ZCCHC14: variants seen among roughly 807,000 people sequenced by gnomAD.
ZCCHC14 encodes zinc finger CCHC domain-containing protein 14.
ZCCHC14 carries 16 observed loss-of-function variants against 85.0 expected under a neutral mutation model. That is an observed-to-expected ratio of 0.19 (90% CI 0.13 to 0.29). The LOEUF is 0.29. Among genes scored for constraint, ZCCHC14 ranks in the 10% least tolerant of loss-of-function variants. The pLI is 1.00. For synonymous variants in ZCCHC14, 775 were observed against 630.7 expected (o/e 1.23, Z -3.43); for missense variants, 1,303 against 1,443.5 (o/e 0.90, Z 1.58).
At chr16:87,464,457 G>C (rs1307050333) in intron 1 of ZCCHC14, among the ~76,000 whole-genome samples, 1 of 152,156 alleles carries the variant, frequency 6.6e-6, no homozygotes, top group Non-Finnish European at 1.5e-5. Flanking sequence ...TCCCGGCAAG[G>C]ACAAAGAGGA....
chr16:87,466,867 G>T (rs1455485083), intron 1 of ZCCHC14, among the ~76,000 whole-genome samples: 1 of 152,192 alleles, frequency 6.6e-6, no homozygotes, highest in African/African-American at 2.4e-5. Context: ...CCCCTACTGG[G>T]ACAGTCACAT....
chr16:87,488,636 G>T (rs528155835), intron 1 of ZCCHC14, among the ~76,000 whole-genome samples: 1 of 152,160 alleles, frequency 6.6e-6, no homozygotes, highest in Non-Finnish European at 1.5e-5. Flanking sequence ...GAATGCAGTG[G>T]CATGATCATA....
Position 87,415,281 on chromosome 16 carries a change from C to T in ZCCHC14, c.1470G>A (p.Leu490=). The T allele has an allele frequency of 6.2e-7, 1 of 1,613,860 alleles. No individual in the cohort carries two copies. Among genetic ancestry groups the T allele is most frequent in the Non-Finnish European group, 8.5e-7 (1 of 1,179,942 alleles). ...AKKKLKTQLE[L]EKEKSERRCL... ...AAAACCCACTTCACACTCACTTTTC[C>T]AGCTCCAGCTGGGTCTTGAGCTTCT... The change falls in exon 9 of 13, where the codon CTG becomes CTA. Residue 490 remains leucine, a synonymous_variant. Transcript: ENST00000671377.
chr16:87,459,233 G>A (rs750260256), intron 2 of ZCCHC14, among the ~76,000 whole-genome samples: 2 of 152,184 alleles, frequency 1.3e-5, no homozygotes, highest in Non-Finnish European at 2.9e-5. Context: ...CCAACTCAGT[G>A]CAGGTGGAAA....
At chr16:87,476,643 G>A (rs1416300445) in intron 1 of ZCCHC14, among the ~76,000 whole-genome samples, 1 of 149,550 alleles carries the variant, frequency 6.7e-6, no homozygotes. Flanking sequence ...GGAATTCCAT[G>A]AATCTGCTTA....
chr16:87,478,355 T>C lies in ZCCHC14; in HGVS notation c.570+13314A>G, dbSNP rs552460096. ...AATGAAGTTTTAGAATAGGCGAAAC[T>C]GATCAGTGGTGGAAAACAATAGAAA... On this transcript the variant is annotated intron_variant, in intron 1 of 12. Coordinates refer to ENST00000671377, the MANE Select transcript of ZCCHC14 (RefSeq NM_015144.3). Among the ~76,000 whole-genome samples, 7 of 152,248 alleles carry C rather than the reference T, an allele frequency of 4.6e-5. No individual in the cohort carries two copies. In the East Asian group the frequency reaches 1.4e-3, roughly 29 times the overall value.
At chr16:87,459,870 T>C in intron 2 of ZCCHC14, 138 bp downstream of exon 2, 2 of 1,361,728 alleles carry the variant, frequency 1.5e-6, no homozygotes, top group Non-Finnish European at 2.0e-6. Flanking sequence ...ATGTATTGCT[T>C]ATAGAATTTA....
intron 3 of ZCCHC14, among the ~76,000 whole-genome samples, chr16:87,425,728 A>C (rs1909337511): frequency 6.6e-6 from 1 of 152,122 alleles, no homozygotes; most frequent in African/African-American, 2.4e-5. Flanking sequence ...ACCACCACCA[A>C]CAGACACAAA....
chr16:87,413,272 A>G, intron 10 of ZCCHC14, 77 bp from the exon 11 acceptor site: 1 of 1,444,720 alleles, frequency 6.9e-7, no homozygotes, highest in South Asian at 1.5e-5. Context: ...CCTGCATCGC[A>G]CTGTCGGCAG....
chr16:87,416,313 G>A (rs974667474), intron 8 of ZCCHC14, among the ~76,000 whole-genome samples: 3 of 152,218 alleles, frequency 2.0e-5, no homozygotes, highest in African/African-American at 7.2e-5. Context: ...ACTCCATTGT[G>A]TAGGCTGGTG....
rs776318111 is a variant in ZCCHC14 at position 87,410,291 on chromosome 16, A to G, written c.3250T>C (p.Ser1084Pro). The change falls in exon 13 of 13, where the codon TCC becomes CCC. Residue 1084 changes from serine to proline, a missense_variant. Ser to Pro is a moderately conservative substitution (Grantham distance 74). Coordinates refer to ENST00000671377, the MANE Select transcript of ZCCHC14 (RefSeq NM_015144.3). ...KYAPPAESLD[S>P]TD ...GCCAGAGAAAAATATCAATCTGTGGAGTCCAGACTTTCTGCTGGAGGGGCG... is the reference window on the plus strand; with the variant it reads ...GCCAGAGAAAAATATCAATCTGTGGGGTCCAGACTTTCTGCTGGAGGGGCG... 8 of 775,730 alleles carry G rather than the reference A, an allele frequency of 1.0e-5. No homozygotes were observed. The highest frequency in any genetic ancestry group is 5.2e-5 in the Admixed American group (3 of 57,760). 48.1% of individuals were successfully genotyped at this position (775,730 alleles called of 1,614,324 possible). A position where few individuals can be genotyped will look rare whatever the true frequency, so the allele number is the denominator to read the frequency against.
intron 1 of ZCCHC14, among the ~76,000 whole-genome samples, chr16:87,469,951 G>A (rs1001843563): frequency 1.3e-5 from 2 of 152,182 alleles, no homozygotes; most frequent in African/African-American, 4.8e-5. Flanking sequence ...TCTAAAACCA[G>A]TGCACTTGCC....
intron 3 of ZCCHC14, among the ~76,000 whole-genome samples, chr16:87,430,944 A>G (rs891667673): frequency 6.7e-6 from 1 of 150,098 alleles, no homozygotes; most frequent in Non-Finnish European, 1.5e-5. Context: ...GTTTGAGACC[A>G]GCCTGAACAA....
At chr16:87,474,408 G>C (rs1400432892) in intron 1 of ZCCHC14, 2 of 152,244 alleles carry the variant, frequency 1.3e-5, no homozygotes, top group Non-Finnish European at 2.9e-5. Context: ...CTCAGGGAGA[G>C]TGAATTCTTC....
At chr16:87,429,842 G>A (rs1432633302) in intron 3 of ZCCHC14, among the ~76,000 whole-genome samples, 1 of 152,190 alleles carries the variant, frequency 6.6e-6, no homozygotes, top group Non-Finnish European at 1.5e-5. Flanking sequence ...CCTGACCTCA[G>A]GTGATCCGTC....
At chr16:87,467,315 G>T in intron 1 of ZCCHC14, 2 of 1,583,476 alleles carry the variant, frequency 1.3e-6, no homozygotes, top group Non-Finnish European at 1.7e-6. Context: ...ATGTAACACT[G>T]CCCCAAGCGA....
In ZCCHC14 at chr16:87,414,507, C is replaced by T. The variant is rs528890958; in HGVS notation, c.1510G>A (p.Ala504Thr). The part of the protein sequence containing the change: ...KSERRCLNPS[A>T]PPLVTSSGVA... ...CCACTGCTGGTGACCAGCGGCGGGG[C>T]CGAGGGGTTCAGGCACCGTCTCTCT... Residue 504 changes from alanine to threonine, a missense_variant, in exon 10 of 13, where the codon GCC (alanine) becomes ACC (threonine). By Grantham distance (58) the Ala-to-Thr change is moderately conservative. This residue lies in a region of ZCCHC14 where 58 missense variants were observed against 88.2 expected (regional missense o/e 0.66). Transcript: ENST00000671377. 1 of 1,612,914 alleles carries T rather than the reference C, an allele frequency of 6.2e-7. No homozygotes were observed. Among genetic ancestry groups the T allele is most frequent in the East Asian group, 2.2e-5 (1 of 44,866 alleles).
In ZCCHC14 at chr16:87,412,049, C is replaced by G; in HGVS notation, c.2672G>C (p.Gly891Ala). 1.2e-6 allele frequency: 2 copies of G among 1,609,422 alleles called. No individual in the cohort carries two copies. The highest frequency in any genetic ancestry group is 1.3e-5 in the African/African-American group (1 of 74,942). ...YSSSGGGGST[G>A]NIPASNPNHH... is the part of the protein sequence containing the mutation. ...GTTCGGATTCGAGGCAGGAATGTTT[C>G]CTGTGGAGCCGCCACCGCCACTGCT... Residue 891 changes from glycine to alanine, a missense_variant, in exon 12 of 13, where the codon GGA becomes GCA. Around this residue, in one of 7 missense-constraint regions of ZCCHC14, gnomAD observed 797 missense variants for 730.8 expected, o/e 1.09. Coordinates refer to ENST00000671377, the MANE Select transcript of ZCCHC14 (RefSeq NM_015144.3).
intron 8 of ZCCHC14, among the ~76,000 whole-genome samples, chr16:87,417,211 G>A (rs769537987): frequency 7.2e-5 from 11 of 152,122 alleles, no homozygotes; most frequent in Non-Finnish European, 1.5e-4. Context: ...CTCCCGTCAC[G>A]CAGAGCATCT....
Sources: allele counts gnomAD v4.1 joint callset (sites outside exome capture counted in the v4.1 genomes callset), GRCh38; gene constraint gnomAD v4.1.1; regional missense constraint gnomAD v4.1.1; transcripts MANE v1.5; gene names NCBI Gene and HGNC (gene_info 2026-07-23, HGNC 2026-07-21).